The following PRDM6 variants were observed in gnomAD, a reference collection of about 807,000 sequenced individuals.
PRDM6 encodes putative histone-lysine N-methyltransferase PRDM6.
A neutral mutation model predicts 60.8 loss-of-function variants in PRDM6; 25 were observed. The ratio of observed to expected loss-of-function variants is 0.41; its 90% CI spans 0.30 to 0.57. The LOEUF (loss-of-function observed/expected upper bound fraction) is 0.57. Ranked by LOEUF, PRDM6 falls within the 20% of genes least tolerant of loss-of-function variation. PRDM6 has a pLI of 0.27. For synonymous variants in PRDM6, 407 were observed against 357.4 expected (o/e 1.14, Z -1.57); for missense variants, 839 against 821.3 (o/e 1.02, Z -0.26).
intron 4 of PRDM6, 48 bp from the exon 5 acceptor site, chr5:123,159,466 C>T: frequency 6.5e-7 from 1 of 1,539,526 alleles, no homozygotes; most frequent in Non-Finnish European, 8.8e-7. Context: ...GATGGGGGCA[C>T]ATGAGTCCTA....
chr5:123,109,152 G>A (rs1340752644), intron 3 of PRDM6, among the ~76,000 whole-genome samples: 1 of 151,734 alleles, frequency 6.6e-6, no homozygotes, highest in Non-Finnish European at 1.5e-5. Flanking sequence ...TCCAGGAAAG[G>A]AAGGAGAAAA....
chr5:123,092,510 GA>G (rs1763863650), intron 2 of PRDM6, among the ~76,000 whole-genome samples: 2 of 152,158 alleles, frequency 1.3e-5, no homozygotes, highest in South Asian at 4.1e-4. Context: ...AAAGAATTAG[GA>G]TAGATTCCTA....
intron 3 of PRDM6, among the ~76,000 whole-genome samples, chr5:123,108,269 C>A (rs1042748460): frequency 6.6e-6 from 1 of 152,008 alleles, no homozygotes; most frequent in Non-Finnish European, 1.5e-5. Flanking sequence ...TCAGTAGAAA[C>A]GTCTTAAGTG....
At chr5:123,115,288 C>T (rs1764409276) in intron 3 of PRDM6, among the ~76,000 whole-genome samples, 1 of 152,172 alleles carries the variant, frequency 6.6e-6, no homozygotes, top group Admixed American at 6.5e-5. Flanking sequence ...TGTGTTGCAT[C>T]TGTGAACCAT....
intron 3 of PRDM6, among the ~76,000 whole-genome samples, chr5:123,127,218 AG>A (rs1764713695): frequency 6.6e-6 from 1 of 152,044 alleles, no homozygotes; most frequent in Admixed American, 6.5e-5. Flanking sequence ...TTGTATGTTT[AG>A]TAGAGACAGG....
intron 3 of PRDM6, among the ~76,000 whole-genome samples, chr5:123,127,072 C>T (rs1156242225): frequency 1.3e-5 from 2 of 151,122 alleles, no homozygotes; most frequent in Non-Finnish European, 2.9e-5. Context: ...GAGTCTTTCT[C>T]TGTTGCCCAG....
chr5:123,193,169 C>T lies in PRDM6; in HGVS notation c.*5968C>T, dbSNP rs1223377680. ...TTGTTGAAATGATAAATATATTTTCCTTGTCAAACATGGTGGGTCCTGGTT... is the reference window on the plus strand; with the variant it reads ...TTGTTGAAATGATAAATATATTTTCTTTGTCAAACATGGTGGGTCCTGGTT... On this transcript the variant is annotated 3_prime_UTR_variant, in exon 8 of 8. Coordinates refer to ENST00000407847, the MANE Select transcript of PRDM6 (RefSeq NM_001136239.4). The T allele has an allele frequency of 6.6e-6, 1 of 152,146 alleles. No homozygotes were observed. Among genetic ancestry groups the T allele is most frequent in the African/African-American group, 2.4e-5 (1 of 41,418 alleles). 9.4% of individuals were successfully genotyped at this position (152,146 alleles called of 1,614,324 possible). A position where few individuals can be genotyped will look rare whatever the true frequency, so the allele number is the denominator to read the frequency against.
chr5:123,156,896 C>A (rs764176605), intron 4 of PRDM6, among the ~76,000 whole-genome samples: 1 of 152,096 alleles, frequency 6.6e-6, no homozygotes, highest in Non-Finnish European at 1.5e-5. Context: ...CAAAATCCCT[C>A]GAAAACGTGT....
At chr5:123,129,779 A>G (rs992549021) in intron 3 of PRDM6, among the ~76,000 whole-genome samples, 5 of 152,218 alleles carry the variant, frequency 3.3e-5, no homozygotes, top group African/African-American at 1.2e-4. Flanking sequence ...GTGTCTATAA[A>G]TATTTCCTTT....
At chr5:123,162,431 C>T (rs1221752803) in intron 5 of PRDM6, among the ~76,000 whole-genome samples, 1 of 152,184 alleles carries the variant, frequency 6.6e-6, no homozygotes, top group African/African-American at 2.4e-5. Flanking sequence ...CTGCTAGTGT[C>T]TAACCTGAGT....
At position 123,090,571 on chromosome 5, in the gene PRDM6, T is replaced by G. The variant is rs1237296783; in HGVS notation, c.557T>G (p.Ile186Ser). ...TATGGCCAGCAGCGCATGGAGATCA[T>G]CCCGCTCAACCAGCACACCAGCGAC... ...YLYGQQRMEI[I>S]PLNQHTSDPN... The change falls in exon 2 of 8, where the codon ATC becomes AGC. Residue 186 changes from isoleucine (I) to serine (S), a missense_variant. Physicochemically the swap from Ile to Ser is moderately radical, Grantham distance 142 (BLOSUM62 -2). Around this residue, in one of 2 missense-constraint regions of PRDM6, gnomAD observed 730 missense variants for 648.8 expected, o/e 1.13. Transcript: ENST00000407847. 2.6e-6 allele frequency: 4 copies of G among 1,524,676 alleles called. No individual in the cohort carries two copies. In the East Asian group the frequency reaches 1.0e-4, roughly 39 times the overall value. 94.4% of individuals were successfully genotyped at this position (1,524,676 alleles called of 1,614,324 possible).
chr5:123,149,578 C>T (rs1765328525), intron 3 of PRDM6, among the ~76,000 whole-genome samples: 1 of 152,024 alleles, frequency 6.6e-6, no homozygotes, highest in Admixed American at 6.5e-5. Context: ...ATAGTGGGTG[C>T]CTATGTCTTT....
intron 2 of PRDM6, among the ~76,000 whole-genome samples, chr5:123,093,597 TA>T (rs1763891867): frequency 6.6e-6 from 1 of 152,308 alleles, no homozygotes; most frequent in South Asian, 2.1e-4. Context: ...CGCCTTCTCT[TA>T]AAAATCAAGT....
chr5:123,132,576 A>C lies in PRDM6; in HGVS notation c.901-23308A>C, dbSNP rs2150224053. 2.0e-5 allele frequency among the ~76,000 whole-genome samples: 3 copies of C among 152,270 alleles called. No homozygotes were observed. In the South Asian group the frequency reaches 6.2e-4, roughly 32 times the overall value. ...CTCCAAGTGTGTTGACATTTCAGGA[A>C]GTCTTGAATGTTGCTAAATGCATCT... On this transcript the variant is annotated intron_variant, in intron 3 of 7. Coordinates refer to ENST00000407847, the MANE Select transcript of PRDM6 (RefSeq NM_001136239.4).
chr5:123,126,893 G>A (rs189113263), intron 3 of PRDM6, among the ~76,000 whole-genome samples: 19 of 152,080 alleles, frequency 1.2e-4, no homozygotes, highest in African/African-American at 3.9e-4. Context: ...GTTTTATAAC[G>A]TGACACAAAG....
chr5:123,179,805 T>C (rs1030505528), intron 6 of PRDM6, among the ~76,000 whole-genome samples: 1 of 152,210 alleles, frequency 6.6e-6, no homozygotes, highest in Non-Finnish European at 1.5e-5. Context: ...ATATTTTCTC[T>C]TGTAACAGTC....
intron 6 of PRDM6, among the ~76,000 whole-genome samples, chr5:123,176,686 C>A (rs965908330): frequency 6.6e-6 from 1 of 152,132 alleles, no homozygotes. Context: ...GTACTCCAGC[C>A]TGGGCAACAG....
intron 3 of PRDM6, among the ~76,000 whole-genome samples, chr5:123,128,795 C>A (rs919994862): frequency 4.6e-5 from 7 of 152,060 alleles, no homozygotes; most frequent in Non-Finnish European, 1.0e-4. Context: ...TCTATTTTGG[C>A]TTTTGTTGCC....
chr5:123,111,070 A>G (rs1764302168), intron 3 of PRDM6, among the ~76,000 whole-genome samples: 2 of 152,130 alleles, frequency 1.3e-5, no homozygotes, highest in Non-Finnish European at 2.9e-5. Context: ...AATAATATAT[A>G]TTATGTGTAG....
Sources: gnomAD v4.1 joint callset for allele counts (sites outside exome capture counted in the v4.1 genomes callset) on GRCh38, gnomAD v4.1.1 for gene constraint, gnomAD v4.1.1 regional missense constraint, MANE v1.5 for transcripts, NCBI Gene and HGNC (gene_info 2026-07-23, HGNC 2026-07-21) for gene names.